Variants in DAB1 observed in about 807,000 individuals in gnomAD.
The protein encoded by DAB1 is disabled homolog 1.
DAB1 carries 15 observed loss-of-function variants against 64.6 expected under a neutral mutation model. That is an observed-to-expected ratio of 0.23 (90% confidence interval 0.16 to 0.36). DAB1 has a LOEUF of 0.36. Ranked by LOEUF, DAB1 falls within the 10% of genes least tolerant of loss-of-function variation. The pLI, the probability that DAB1 is intolerant of heterozygous loss-of-function variation, is 1.00. For synonymous variants in DAB1, 235 were observed against 251.9 expected (o/e 0.93, Z 0.64); for missense variants, 596 against 706.7 (o/e 0.84, Z 1.78).
At chr1:57,229,334 A>G (rs1358317036) in intron 2 of DAB1, among the ~76,000 whole-genome samples, 1 of 151,838 alleles carries the variant, frequency 6.6e-6, no homozygotes, top group African/African-American at 2.4e-5. Flanking sequence ...AGCTGGGACT[A>G]TAGGTGTGCA....
intron 5 of DAB1, among the ~76,000 whole-genome samples, chr1:57,907,835 G>A (rs992310534): frequency 1.7e-5 from 2 of 116,742 alleles, no homozygotes; most frequent in African/African-American, 8.1e-5. Flanking sequence ...AAACATCAGA[G>A]AGCATTACAT....
intron 7 of DAB1, among the ~76,000 whole-genome samples, chr1:57,479,610 T>A (rs1049218237): frequency 6.6e-6 from 1 of 152,138 alleles, no homozygotes; most frequent in Admixed American, 6.5e-5. Context: ...TGTCTCTCTA[T>A]ACTCCATGTC....
At chr1:57,361,610 T>C (rs1286940399) in intron 1 of DAB1, among the ~76,000 whole-genome samples, 1 of 152,044 alleles carries the variant, frequency 6.6e-6, no homozygotes, top group Non-Finnish European at 1.5e-5. Flanking sequence ...CACTGGAATA[T>C]GAGTAGACAT....
chr1:57,522,962 T>C (rs1222573519), intron 7 of DAB1, among the ~76,000 whole-genome samples: 1 of 152,206 alleles, frequency 6.6e-6, no homozygotes, highest in African/African-American at 2.4e-5. Flanking sequence ...GCCAGGGGCT[T>C]GTAGGCCTTT....
At chr1:57,058,627 G>A (rs1650071188) in intron 9 of DAB1, among the ~76,000 whole-genome samples, 1 of 152,166 alleles carries the variant, frequency 6.6e-6, no homozygotes. Flanking sequence ...TCTATTAATT[G>A]CTAATGTACA....
intron 1 of DAB1, among the ~76,000 whole-genome samples, chr1:57,853,353 G>A (rs997412016): frequency 3.9e-5 from 6 of 152,042 alleles, no homozygotes; most frequent in Non-Finnish European, 8.8e-5. Flanking sequence ...ATATACTGAA[G>A]AGGTCCAAGA....
At chr1:58,199,203 G>A (rs987220471) in intron 4 of DAB1, among the ~76,000 whole-genome samples, 1 of 152,182 alleles carries the variant, frequency 6.6e-6, no homozygotes, top group Non-Finnish European at 1.5e-5. Flanking sequence ...AAACAGGTGA[G>A]CCAAGAATGT....
Position 58,024,168 on chromosome 1 carries a change from C to G in DAB1, n.387+126343G>C, listed in dbSNP as rs1408926. ...GTCCCTCTCCTACATTTAGATATAGCAATAGATATAGTCATAAGATCAGAA... is the reference window on the plus strand; with the variant it reads ...GTCCCTCTCCTACATTTAGATATAGGAATAGATATAGTCATAAGATCAGAA... On this transcript the variant is annotated intron_variant and non_coding_transcript_variant, in intron 5 of 20. Coordinates refer to the DAB1 transcript ENST00000485760. Among the ~76,000 whole-genome samples, 1,447 of 152,208 alleles carry G rather than the reference C, an allele frequency of 9.5e-3. 17 individuals carry two copies. The highest frequency in any genetic ancestry group is 0.025 in the South Asian group (121 of 4,822).
chr1:57,893,305 A>G (rs1359809635), intron 5 of DAB1, among the ~76,000 whole-genome samples: 2 of 152,186 alleles, frequency 1.3e-5, no homozygotes, highest in Non-Finnish European at 2.9e-5. Context: ...CAACCCAGTC[A>G]GAGGCTGGCT....
chr1:57,565,066 G>T (rs890697758), intron 7 of DAB1, among the ~76,000 whole-genome samples: 6 of 152,190 alleles, frequency 3.9e-5, no homozygotes, highest in South Asian at 4.1e-4. Context: ...CAGACTAACA[G>T]CAGATCTCTC....
At chr1:57,491,006 T>C (rs1395794799) in intron 7 of DAB1, among the ~76,000 whole-genome samples, 1 of 152,246 alleles carries the variant, frequency 6.6e-6, no homozygotes, top group East Asian at 1.9e-4. Flanking sequence ...AGAGAAGGCT[T>C]ATACTGCAAC....
intron 5 of DAB1, among the ~76,000 whole-genome samples, chr1:57,994,139 G>A (rs140694513): frequency 3.8e-4 from 58 of 152,260 alleles, no homozygotes; most frequent in East Asian, 2.9e-3. Context: ...AGCAAAAGGC[G>A]GAGGACAAAG....
intron 5 of DAB1, among the ~76,000 whole-genome samples, chr1:58,064,854 C>A (rs939179592): frequency 6.6e-6 from 1 of 152,114 alleles, no homozygotes; most frequent in Non-Finnish European, 1.5e-5. Context: ...CTCCGAGTAG[C>A]AGGGACTACA....
intron 7 of DAB1, among the ~76,000 whole-genome samples, chr1:57,499,133 G>A (rs1460467220): frequency 3.9e-5 from 6 of 152,018 alleles, no homozygotes; most frequent in Admixed American, 2.0e-4. Flanking sequence ...ACACCACCAC[G>A]CCCGGCTAAT....
chr1:58,040,466 C>T (rs1647118418), intron 5 of DAB1, among the ~76,000 whole-genome samples: 2 of 152,192 alleles, frequency 1.3e-5, no homozygotes, highest in Admixed American at 1.3e-4. Context: ...ATGGTGCTGA[C>T]ACTTCTATTT....
At chr1:58,216,791 T>C (rs917721519) in intron 4 of DAB1, among the ~76,000 whole-genome samples, 2 of 152,220 alleles carry the variant, frequency 1.3e-5, no homozygotes, top group African/African-American at 2.4e-5. Context: ...ATTGTAACTC[T>C]TACAGAACAA....
At chr1:58,311,448 G>A (rs1662426424) in intron 4 of DAB1, among the ~76,000 whole-genome samples, 2 of 152,124 alleles carry the variant, frequency 1.3e-5, no homozygotes, top group South Asian at 4.1e-4. Flanking sequence ...TTTGCTTGAG[G>A]CCAGGCACTG....
intron 7 of DAB1, among the ~76,000 whole-genome samples, chr1:57,535,905 A>T (rs1353621174): frequency 6.6e-6 from 1 of 152,162 alleles, no homozygotes; most frequent in Admixed American, 6.5e-5. Flanking sequence ...AACTGATGAA[A>T]ATGGGTATGC....
chr1:58,123,209 A>G lies in DAB1; in HGVS notation n.387+27302T>C, dbSNP rs190288905. On this transcript the variant is annotated intron_variant and non_coding_transcript_variant, in intron 5 of 20. Coordinates refer to the DAB1 transcript ENST00000485760. ...ATGGGGAGAGAAAAGACTCCATAGG[A>G]TGGGACTGTTCCTCTCATTCTTTCC... 2.1e-3 allele frequency among the ~76,000 whole-genome samples: 315 copies of G among 152,264 alleles called. 4 individuals are homozygous for G. Among genetic ancestry groups the G allele is most frequent in the African/African-American group, 7.4e-3 (306 of 41,568 alleles).
Sources: gnomAD v4.1 joint callset for allele counts (sites outside exome capture counted in the v4.1 genomes callset) on GRCh38, gnomAD v4.1.1 for gene constraint, MANE v1.5 for transcripts, NCBI Gene and HGNC (gene_info 2026-07-23, HGNC 2026-07-21) for gene names.